The following VGLL1 variants were observed in gnomAD, a reference collection of about 807,000 sequenced individuals.
The protein encoded by VGLL1 is transcription cofactor vestigial-like protein 1.
VGLL1 carries 4 observed loss-of-function variants against 12.0 expected under a neutral mutation model. The ratio of observed to expected loss-of-function variants is 0.33; its 90% CI spans 0.16 to 0.76. The LOEUF is 0.76. Among genes scored for constraint, VGLL1 ranks in the 30% least tolerant of loss-of-function variants. VGLL1 has a pLI of 0.60. For missense variants in VGLL1, 204 were observed against 208.7 expected, an observed-to-expected ratio of 0.98 and a Z score of 0.14; for synonymous variants, 87 against 81.2, an observed-to-expected ratio of 1.07 and a Z score of -0.39.
At chrX:136,538,797 A>T (rs1280653020) in intron 2 of VGLL1, among the ~76,000 whole-genome samples, 1 of 111,160 alleles carries the variant, frequency 9.0e-6, no homozygotes, top group African/African-American at 3.3e-5. Flanking sequence ...TTTGCAGTCA[A>T]TCAATGTGGT....
chrX:136,539,187 C>T (rs1179500372), intron 2 of VGLL1, among the ~76,000 whole-genome samples: 1 of 112,136 alleles, frequency 8.9e-6, no homozygotes, highest in African/African-American at 3.2e-5. Flanking sequence ...CCCTTGTAAG[C>T]ATCATCAAGC....
chrX:136,549,467 A>G (rs991476945), intron 3 of VGLL1, among the ~76,000 whole-genome samples: 1 of 111,064 alleles, frequency 9.0e-6, no homozygotes, highest in Non-Finnish European at 1.9e-5. Context: ...TATACCAACC[A>G]TCTGCTCCAC....
intron 2 of VGLL1, among the ~76,000 whole-genome samples, chrX:136,543,792 A>G (rs750981998): frequency 9.0e-6 from 1 of 110,527 alleles, no homozygotes; most frequent in Non-Finnish European, 1.9e-5. Context: ...AATTTGCATT[A>G]AAAGATGCAG....
intron 2 of VGLL1, among the ~76,000 whole-genome samples, chrX:136,539,381 A>G (rs1483498717): frequency 9.0e-6 from 1 of 111,161 alleles, no homozygotes; most frequent in African/African-American, 3.3e-5. Flanking sequence ...TTTCAACCTC[A>G]TCACTCCTTG....
Position 136,536,137 on chromosome X carries a change from C to T in VGLL1, c.117C>T (p.Ser39=), listed in dbSNP as rs763068008. 7 of 1,209,158 alleles carry T rather than the reference C, an allele frequency of 5.8e-6. No homozygotes were observed. Among genetic ancestry groups the T allele is most frequent in the East Asian group, 3.0e-5 (1 of 33,766 alleles). The change falls in exon 2 of 5, where the codon AGC becomes AGT. Residue 39 remains serine (S), a synonymous_variant. Coordinates refer to ENST00000370634, the MANE Select transcript of VGLL1 (RefSeq NM_016267.4). ...CCTACTTCCAAGGGGACATCAGCAG[C>T]GTAGTGGATGAACACTTCTCCAGAG... The part of the protein sequence containing the change: ...LFTYFQGDIS[S]VVDEHFSRAL...
chrX:136,542,558 T>C (rs2075859449), intron 2 of VGLL1, among the ~76,000 whole-genome samples: 1 of 112,711 alleles, frequency 8.9e-6, no homozygotes, highest in Admixed American at 9.3e-5. Flanking sequence ...GGGTGCTCAT[T>C]ACCCAGTTTA....
intron 4 of VGLL1, among the ~76,000 whole-genome samples, chrX:136,553,987 G>T (rs761735773): frequency 8.9e-6 from 1 of 112,358 alleles, no homozygotes; most frequent in Non-Finnish European, 1.9e-5. Flanking sequence ...TGCTTCAATG[G>T]CTACAAATAA....
Position 136,548,771 on chromosome X carries a change from T to C in VGLL1, c.397T>C (p.Phe133Leu). ...TGTTCGGCCTGGGGAGCTGTGGCATTTCTCCTCCCTGGCGGGCACCAGCTC... is the reference window on the plus strand; with the variant it reads ...TGTTCGGCCTGGGGAGCTGTGGCATCTCTCCTCCCTGGCGGGCACCAGCTC... ...ASVRPGELWH[F>L]SSLAGTSSLE... The change falls in exon 3 of 5, where the codon TTC (phenylalanine) becomes CTC (leucine). Residue 133 changes from phenylalanine to leucine, a missense_variant. Physicochemically the swap from Phe to Leu is conservative, Grantham distance 22 (BLOSUM62 0). Coordinates refer to ENST00000370634, the MANE Select transcript of VGLL1 (RefSeq NM_016267.4). 2.5e-6 allele frequency: 3 copies of C among 1,211,823 alleles called. No homozygotes were observed. The highest frequency in any genetic ancestry group is 1.1e-6 in the Non-Finnish European group (1 of 895,534).
At chrX:136,547,638 G>A (rs1427656096) in intron 2 of VGLL1, among the ~76,000 whole-genome samples, 1 of 111,809 alleles carries the variant, frequency 8.9e-6, no homozygotes, top group East Asian at 2.8e-4. Context: ...AGAGTTGTGT[G>A]AGTGACCAGC....
At chrX:136,545,754 A>G (rs1296337602) in intron 2 of VGLL1, among the ~76,000 whole-genome samples, 1 of 111,581 alleles carries the variant, frequency 9.0e-6, no homozygotes, top group Non-Finnish European at 1.9e-5. Context: ...CGGCAAACTC[A>G]TAAGTGCCTG....
At chrX:136,552,991 A>G (rs959777378) in intron 4 of VGLL1, among the ~76,000 whole-genome samples, 5 of 111,704 alleles carry the variant, frequency 4.5e-5, no homozygotes, top group Non-Finnish European at 7.5e-5. Flanking sequence ...AAGGTGGGGG[A>G]TGTTCTTTCC....
intron 2 of VGLL1, among the ~76,000 whole-genome samples, chrX:136,542,575 T>C (rs112590282): frequency 3.6e-5 from 4 of 112,655 alleles, no homozygotes; most frequent in African/African-American, 1.3e-4. Flanking sequence ...TTTATGAAAA[T>C]TCCCCCAGCT....
intron 2 of VGLL1, among the ~76,000 whole-genome samples, chrX:136,539,564 C>G (rs1417695033): frequency 9.0e-6 from 1 of 111,467 alleles, no homozygotes; most frequent in Non-Finnish European, 1.9e-5. Flanking sequence ...TCTTGGTTTT[C>G]CTCCTGCCTC....
intron 2 of VGLL1, among the ~76,000 whole-genome samples, chrX:136,548,238 T>C (rs1464577702): frequency 8.9e-6 from 1 of 112,050 alleles, no homozygotes; most frequent in Non-Finnish European, 1.9e-5. Context: ...TGGCTTCAAG[T>C]GATCTGCCCA....
intron 3 of VGLL1, among the ~76,000 whole-genome samples, chrX:136,549,739 T>C (rs899610709): frequency 2.7e-5 from 3 of 111,847 alleles, no homozygotes; most frequent in Admixed American, 1.9e-4. Flanking sequence ...CAAGGCTCCC[T>C]TCTTTGTAAA....
chrX:136,532,593 CTTTCTTTCT>C (rs2075826200), intron 1 of VGLL1, among the ~76,000 whole-genome samples: 1 of 60,826 alleles, frequency 1.6e-5, no homozygotes, highest in South Asian at 8.9e-4. Context: ...TTCTTTCTTT[CTTTCTTTCT>C]TTCTTTCTTT....
At chrX:136,541,838 T>C (rs992096766) in intron 2 of VGLL1, among the ~76,000 whole-genome samples, 1 of 112,658 alleles carries the variant, frequency 8.9e-6, no homozygotes, top group Non-Finnish European at 1.9e-5. Context: ...CAGTGTTGTG[T>C]TTTTATTTAC....
chrX:136,545,240 C>T (rs926574438), intron 2 of VGLL1, among the ~76,000 whole-genome samples: 8 of 111,821 alleles, frequency 7.2e-5, no homozygotes, highest in Non-Finnish European at 1.5e-4. Flanking sequence ...CCACTTTCAT[C>T]CTGCTCTCTT....
At chrX:136,534,739 G>A (rs1022603090) in intron 1 of VGLL1, among the ~76,000 whole-genome samples, 9 of 111,880 alleles carry the variant, frequency 8.0e-5, no homozygotes, top group Non-Finnish European at 1.7e-4. Flanking sequence ...GTTTTTCAAA[G>A]CATTTGTTCA....
Sources: gnomAD v4.1 joint callset for allele counts (sites outside exome capture counted in the v4.1 genomes callset) on GRCh38, gnomAD v4.1.1 for gene constraint, MANE v1.5 for transcripts, NCBI Gene and HGNC (gene_info 2026-07-23, HGNC 2026-07-21) for gene names.